The following ARHGAP24 variants were observed in gnomAD, a reference collection of about 807,000 sequenced individuals.
ARHGAP24 encodes rho GTPase-activating protein 24.
A neutral mutation model predicts 76.4 loss-of-function variants in ARHGAP24; 50 were observed. The ratio of observed to expected loss-of-function variants is 0.65; its 90% CI spans 0.52 to 0.83. The LOEUF is 0.83. ARHGAP24 is among the 40% of genes least tolerant of loss of function. The probability of loss-of-function intolerance (pLI) is 0.00; values close to 1 mark genes in which losing one functional copy is unlikely to be tolerated. For synonymous variants in ARHGAP24, 345 were observed against 323.3 expected, an observed-to-expected ratio of 1.07 and a Z score of -0.72; for missense variants, 930 against 914.2, an observed-to-expected ratio of 1.02 and a Z score of -0.22.
chr4:85,832,554 C>T (rs1730049409), intron 3 of ARHGAP24, among the ~76,000 whole-genome samples: 1 of 152,180 alleles, frequency 6.6e-6, no homozygotes, highest in Non-Finnish European at 1.5e-5. Flanking sequence ...ATCATTTTGC[C>T]ATGTGCGGTG....
At chr4:85,814,599 T>C (rs1486460449) in intron 3 of ARHGAP24, among the ~76,000 whole-genome samples, 1 of 152,152 alleles carries the variant, frequency 6.6e-6, no homozygotes, top group African/African-American at 2.4e-5. Flanking sequence ...ATGTAAGAGG[T>C]AGGTTCCCAG....
intron 3 of ARHGAP24, among the ~76,000 whole-genome samples, chr4:85,729,158 G>A (rs748390217): frequency 7.9e-5 from 12 of 151,872 alleles, no homozygotes; most frequent in Non-Finnish European, 8.8e-5. Flanking sequence ...GTAGGCAGCC[G>A]TGAAGCTTGT....
chr4:85,802,573 C>T (rs1456890381), intron 3 of ARHGAP24, among the ~76,000 whole-genome samples: 1 of 152,224 alleles, frequency 6.6e-6, no homozygotes, highest in Non-Finnish European at 1.5e-5. Context: ...GGGTGGATCA[C>T]CCGAGGTCGG....
In ARHGAP24 at chr4:85,999,595, A is replaced by C. The variant is rs559777936; in HGVS notation, c.2004-884A>C. 8.5e-5 allele frequency among the ~76,000 whole-genome samples: 13 copies of C among 152,304 alleles called. No individual in the cohort carries two copies. The East Asian group carries it at 1.9e-3, about 23-fold the overall frequency. On this transcript the variant is annotated intron_variant, in intron 9 of 9. Coordinates refer to ENST00000395184, the MANE Select transcript of ARHGAP24 (RefSeq NM_001025616.3). ...TGAGTCCCATGGGACTTTTGCTCAG[A>C]ATAGGAGAAATTAAAAAGTCAGCCG...
intron 2 of ARHGAP24, among the ~76,000 whole-genome samples, chr4:85,676,155 A>G (rs1269461214): frequency 6.6e-6 from 1 of 151,902 alleles, no homozygotes; most frequent in Non-Finnish European, 1.5e-5. Flanking sequence ...CTTGTGAACA[A>G]GATAATTCAT....
chr4:85,569,289 A>G (rs1287990126), intron 1 of ARHGAP24, among the ~76,000 whole-genome samples: 1 of 152,246 alleles, frequency 6.6e-6, no homozygotes, highest in East Asian at 1.9e-4. Flanking sequence ...GTTTTATCAG[A>G]TAATCAATAT....
chr4:85,663,954 C>T (rs1472370660), intron 2 of ARHGAP24, among the ~76,000 whole-genome samples: 1 of 151,956 alleles, frequency 6.6e-6, no homozygotes, highest in East Asian at 1.9e-4. Flanking sequence ...TATCAATGTT[C>T]ATCAAGGATA....
intron 3 of ARHGAP24, among the ~76,000 whole-genome samples, chr4:85,777,130 CTTAT>C (rs1431857236): frequency 6.6e-6 from 1 of 152,124 alleles, no homozygotes; most frequent in Non-Finnish European, 1.5e-5. Context: ...ATCTCAGTTG[CTTAT>C]TTGTCAGCAT....
At chr4:85,500,765 G>A (rs966462998) in intron 1 of ARHGAP24, among the ~76,000 whole-genome samples, 2 of 151,974 alleles carry the variant, frequency 1.3e-5, no homozygotes, top group Non-Finnish European at 2.9e-5. Flanking sequence ...TGTGCACAAC[G>A]GGGAGGTTTG....
At chr4:85,489,360 AG>A (rs2110092702) in intron 1 of ARHGAP24, among the ~76,000 whole-genome samples, 1 of 152,318 alleles carries the variant, frequency 6.6e-6, no homozygotes, top group South Asian at 2.1e-4. Flanking sequence ...GTTTCTGTGC[AG>A]GGCTTTTATT....
intron 3 of ARHGAP24, among the ~76,000 whole-genome samples, chr4:85,749,606 T>C (rs1726181614): frequency 6.6e-6 from 1 of 152,284 alleles, no homozygotes; most frequent in Admixed American, 6.5e-5. Flanking sequence ...AGTTTCACTC[T>C]TGTTGCCCAG....
chr4:85,821,773 T>G (rs1729484963), intron 3 of ARHGAP24, among the ~76,000 whole-genome samples: 1 of 152,216 alleles, frequency 6.6e-6, no homozygotes, highest in Non-Finnish European at 1.5e-5. Context: ...ATCAGATCAT[T>G]ACATAAAAAT....
intron 3 of ARHGAP24, among the ~76,000 whole-genome samples, chr4:85,899,603 T>C (rs1244408411): frequency 6.6e-6 from 1 of 152,174 alleles, no homozygotes; most frequent in African/African-American, 2.4e-5. Flanking sequence ...GGAGACAAAA[T>C]ATACTTTGAG....
intron 2 of ARHGAP24, among the ~76,000 whole-genome samples, chr4:85,601,974 A>T (rs747000007): frequency 6.6e-6 from 1 of 152,146 alleles, no homozygotes; most frequent in Non-Finnish European, 1.5e-5. Context: ...TGCAGTCATT[A>T]TGCAGAACTA....
At chr4:85,918,704 T>G (rs1172956245) in intron 3 of ARHGAP24, among the ~76,000 whole-genome samples, 2 of 152,124 alleles carry the variant, frequency 1.3e-5, no homozygotes, top group African/African-American at 4.8e-5. Flanking sequence ...TATTTTATTT[T>G]TAAGAAAGAA....
intron 2 of ARHGAP24, among the ~76,000 whole-genome samples, chr4:85,630,824 A>G (rs1334529003): frequency 6.6e-6 from 1 of 151,980 alleles, no homozygotes; most frequent in Non-Finnish European, 1.5e-5. Flanking sequence ...CTACATTTCT[A>G]TGCTGGGTTT....
At chr4:85,628,033 G>A (rs1721027284) in intron 2 of ARHGAP24, among the ~76,000 whole-genome samples, 1 of 152,194 alleles carries the variant, frequency 6.6e-6, no homozygotes, top group Non-Finnish European at 1.5e-5. Context: ...CCCAGGTGAG[G>A]TGATGCCTCG....
intron 3 of ARHGAP24, among the ~76,000 whole-genome samples, chr4:85,830,385 C>T (rs536052311): frequency 6.6e-6 from 1 of 152,208 alleles, no homozygotes; most frequent in African/African-American, 2.4e-5. Flanking sequence ...CCACTGTGTC[C>T]ATCGTGCCTA....
chr4:85,734,568 G>A (rs910896108), intron 3 of ARHGAP24, among the ~76,000 whole-genome samples: 5 of 151,442 alleles, frequency 3.3e-5, no homozygotes, highest in African/African-American at 1.2e-4. Context: ...CAGGAGCAAG[G>A]GGTGTCAAGG....
Sources: gnomAD v4.1 joint callset for allele counts (sites outside exome capture counted in the v4.1 genomes callset) on GRCh38, gnomAD v4.1.1 for gene constraint, MANE v1.5 for transcripts, NCBI Gene and HGNC (gene_info 2026-07-23, HGNC 2026-07-21) for gene names.